Variants in CHL1 observed in about 807,000 individuals in gnomAD.
The protein encoded by CHL1 is cell adhesion molecule L1 like.
A neutral mutation model predicts 141.9 loss-of-function variants in CHL1; 96 were observed. That is an observed-to-expected ratio of 0.68 (90% CI 0.57 to 0.80). The LOEUF is 0.80. CHL1 is among the 30% of genes least tolerant of loss of function. The probability of loss-of-function intolerance (pLI) is 0.00; values close to 1 mark genes in which losing one functional copy is unlikely to be tolerated. For missense variants in CHL1, 1,820 were observed against 1,457.2 expected (o/e 1.25, Z -4.05); for synonymous variants, 613 against 502.2 (o/e 1.22, Z -2.95).
intron 2 of CHL1, among the ~76,000 whole-genome samples, chr3:259,935 G>A (rs768619071): frequency 8.6e-5 from 13 of 152,040 alleles, no homozygotes; most frequent in Non-Finnish European, 1.3e-4. Flanking sequence ...CAATCTCAGT[G>A]CACTAAACAC....
intron 2 of CHL1, among the ~76,000 whole-genome samples, chr3:252,015 T>C (rs76851756): frequency 0.076 from 11,589 of 152,042 alleles, 516 homozygotes; most frequent in Middle Eastern, 0.11. Flanking sequence ...AATCAAATGA[T>C]AATAAACCAA....
At chr3:292,183 A>G (rs1697752022) in intron 2 of CHL1, among the ~76,000 whole-genome samples, 2 of 152,224 alleles carry the variant, frequency 1.3e-5, no homozygotes, top group Non-Finnish European at 1.5e-5. Flanking sequence ...TCTTATAAAA[A>G]TATCTAAATG....
intron 19 of CHL1, among the ~76,000 whole-genome samples, chr3:388,706 T>C (rs1020292793): frequency 6.6e-6 from 1 of 152,196 alleles, no homozygotes; most frequent in Non-Finnish European, 1.5e-5. Flanking sequence ...TACTGTTTTT[T>C]TGTATTAAAA....
At chr3:232,202 G>A (rs1846449) in intron 1 of CHL1, among the ~76,000 whole-genome samples, 129,634 of 152,138 alleles carry the variant, frequency 0.85, 55,563 homozygotes, top group Non-Finnish European at 0.89. Context: ...CTCATTCTGT[G>A]TATTGGCATG....
At chr3:378,312 G>C (rs975828166) in intron 16 of CHL1, among the ~76,000 whole-genome samples, 1 of 152,104 alleles carries the variant, frequency 6.6e-6, no homozygotes, top group African/African-American at 2.4e-5. Flanking sequence ...ATCTCGATAG[G>C]GGTCAAGAGG....
At chr3:378,013 A>T in intron 16 of CHL1, 71 bp downstream of exon 16, 1 of 1,361,030 alleles carries the variant, frequency 7.3e-7, no homozygotes. Flanking sequence ...TTCCTGGCCA[A>T]TAAAGCTAAT....
At chr3:368,842 G>A (rs1003057869) in intron 15 of CHL1, among the ~76,000 whole-genome samples, 3 of 152,074 alleles carry the variant, frequency 2.0e-5, no homozygotes, top group Non-Finnish European at 2.9e-5. Context: ...ACCATTTGTT[G>A]AATAGGAGAT....
chr3:336,350 G>C (rs927024891), intron 5 of CHL1, among the ~76,000 whole-genome samples: 8 of 152,194 alleles, frequency 5.3e-5, no homozygotes, highest in African/African-American at 1.4e-4. Flanking sequence ...TAGCGGTTAA[G>C]ATGCCAGTGT....
At chr3:204,586 C>T (rs533747140) in intron 1 of CHL1, among the ~76,000 whole-genome samples, 31 of 152,234 alleles carry the variant, frequency 2.0e-4, no homozygotes, top group East Asian at 7.7e-4. Flanking sequence ...GTTGGAAGTT[C>T]GGTTTTTTAT....
At chr3:324,775 G>A (rs906936294) in intron 3 of CHL1, among the ~76,000 whole-genome samples, 1 of 151,726 alleles carries the variant, frequency 6.6e-6, no homozygotes, top group African/African-American at 2.4e-5. Flanking sequence ...TTTTTGTAGG[G>A]ATAAGAGTCT....
intron 1 of CHL1, among the ~76,000 whole-genome samples, chr3:211,603 C>G (rs770023341): frequency 1.3e-5 from 2 of 152,182 alleles, no homozygotes. Context: ...TACATACTAT[C>G]ATTCTTCTAC....
intron 1 of CHL1, chr3:197,829 C>T (rs894116660): frequency 2.2e-6 from 1 of 453,602 alleles, no homozygotes; most frequent in Non-Finnish European, 4.4e-6. Flanking sequence ...ATGCCGGTCG[C>T]GGATGGTCCC....
intron 2 of CHL1, among the ~76,000 whole-genome samples, chr3:269,701 T>G (rs1695470197): frequency 1.3e-5 from 2 of 152,132 alleles, no homozygotes; most frequent in African/African-American, 4.8e-5. Flanking sequence ...AATTTTATCT[T>G]TTTAGTAGAG....
At chr3:260,655 T>C (rs575808865) in intron 2 of CHL1, among the ~76,000 whole-genome samples, 1 of 152,266 alleles carries the variant, frequency 6.6e-6, no homozygotes, top group Admixed American at 6.5e-5. Flanking sequence ...AGCTACCAAA[T>C]TGACACAGCT....
intron 15 of CHL1, chr3:376,453 G>A (rs201280538): frequency 1.6e-5 from 8 of 508,236 alleles, no homozygotes; most frequent in Non-Finnish European, 2.7e-5. Context: ...ACCACATTTC[G>A]AGGACTAGTG....
intron 24 of CHL1, 111 bp from the exon 25 acceptor site, chr3:398,116 G>T: frequency 1.7e-6 from 1 of 580,306 alleles, no homozygotes; most frequent in South Asian, 6.0e-5. Context: ...AAAACTATCT[G>T]AGAAAATATG....
intron 3 of CHL1, among the ~76,000 whole-genome samples, chr3:320,720 A>C (rs1289349658): frequency 6.6e-6 from 1 of 152,010 alleles, no homozygotes; most frequent in Non-Finnish European, 1.5e-5. Context: ...AAAACTAAAA[A>C]AATCTGCAAA....
intron 1 of CHL1, among the ~76,000 whole-genome samples, chr3:204,761 T>C (rs575692049): frequency 9.9e-5 from 15 of 151,408 alleles, no homozygotes; most frequent in African/African-American, 3.6e-4. Context: ...GGATGCTGCA[T>C]TTCCATCCTT....
chr3:306,685 T>C (rs552163294), intron 2 of CHL1, among the ~76,000 whole-genome samples: 1 of 151,972 alleles, frequency 6.6e-6, no homozygotes, highest in Non-Finnish European at 1.5e-5. Flanking sequence ...AAAAGAAATG[T>C]GATGACAAAA....
Sources: gnomAD v4.1 joint callset for allele counts (sites outside exome capture counted in the v4.1 genomes callset) on GRCh38, gnomAD v4.1.1 for gene constraint, MANE v1.5 for transcripts, NCBI Gene and HGNC (gene_info 2026-07-23, HGNC 2026-07-21) for gene names.